The following CFAP92 variants were observed in gnomAD, a reference collection of about 807,000 sequenced individuals.
The protein encoded by CFAP92 is uncharacterized protein CFAP92.
In CFAP92, 86 loss-of-function variants were observed where a neutral mutation model predicts 106.3. That is an observed-to-expected ratio of 0.81 (90% confidence interval 0.68 to 0.97). The LOEUF (loss-of-function observed/expected upper bound fraction) is 0.97, where lower values mean the gene tolerates loss of function less well. Ranked by LOEUF, CFAP92 falls within the 50% of genes least tolerant of loss-of-function variation. The pLI, the probability that CFAP92 is intolerant of heterozygous loss-of-function variation, is 0.00. For synonymous variants in CFAP92, 477 were observed against 506.4 expected (o/e 0.94, Z 0.78); for missense variants, 1,204 against 1,283.8 (o/e 0.94, Z 0.95).
chr3:128,996,071 T>C (rs1285863145), upstream of CFAP92, among the ~76,000 whole-genome samples: 1 of 152,174 alleles, frequency 6.6e-6, no homozygotes, highest in East Asian at 1.9e-4. Flanking sequence ...CCTGTTCTTT[T>C]GAGGTATAGT....
At position 128,945,735 on chromosome 3, in the gene CFAP92, G is replaced by A; in HGVS notation, c.1594C>T (p.Pro532Ser). Residue 532 changes from proline to serine, a missense_variant, in exon 10 of 16, where the codon CCT (proline) becomes TCT (serine). Transcript: ENST00000645291. ...TGGAAGTTGAGGTATGAATCCAGAG[G>A]GTCCTCCCCAAACAGCACGGGCTTC... ...SQKPVLFGED[P>S]LDSYLNFQAL... 6.5e-7 allele frequency: 1 copy of A among 1,535,904 alleles called. No homozygotes were observed. Among genetic ancestry groups the A allele is most frequent in the Non-Finnish European group, 8.7e-7 (1 of 1,146,818 alleles).
chr3:128,964,525 T>C (rs941181198), intron 9 of CFAP92, among the ~76,000 whole-genome samples: 10 of 152,188 alleles, frequency 6.6e-5, no homozygotes, highest in African/African-American at 2.4e-4. Context: ...CCTGGTGCTA[T>C]CCCCAAACTG....
chr3:128,982,133 T>C (rs1365706932), intron 4 of CFAP92, among the ~76,000 whole-genome samples: 1 of 152,256 alleles, frequency 6.6e-6, no homozygotes, highest in African/African-American at 2.4e-5. Context: ...AAGTCCTAGA[T>C]GGCAGCTTCT....
chr3:128,995,775 AT>A (rs1944457409), upstream of CFAP92, among the ~76,000 whole-genome samples: 1 of 152,230 alleles, frequency 6.6e-6, no homozygotes, highest in Admixed American at 6.5e-5. Context: ...CAAAAATACA[AT>A]TCTGAGGCTT....
intron 11 of CFAP92, among the ~76,000 whole-genome samples, chr3:128,934,204 C>G (rs1938727202): frequency 6.6e-6 from 1 of 152,198 alleles, no homozygotes; most frequent in Non-Finnish European, 1.5e-5. Flanking sequence ...CACAGGCCCC[C>G]TAGAGCCAGT....
intron 9 of CFAP92, among the ~76,000 whole-genome samples, chr3:128,960,832 G>A (rs1941849026): frequency 1.3e-5 from 2 of 151,954 alleles, no homozygotes; most frequent in Non-Finnish European, 2.9e-5. Flanking sequence ...TCAGCGGCAA[G>A]TCCCACTTTC....
chr3:128,948,579 GAGTAC>G (rs1189552373), intron 9 of CFAP92, among the ~76,000 whole-genome samples: 1 of 142,448 alleles, frequency 7.0e-6, no homozygotes, highest in Non-Finnish European at 1.5e-5. Context: ...GCCCAGGCTA[GAGTAC>G]AGTGGCTCAA....
rs1348982311 is a variant in CFAP92, at chr3:128,915,465, G to A, written c.3015C>T (p.Ser1005=). Residue 1005 remains serine (S), a synonymous_variant, in exon 14 of 16, where the codon TCC becomes TCT. Transcript: ENST00000645291. The stretch of plus-strand genomic sequence containing the variant: ...CCCTGGCTGTGAGCCAGGCCTGGCG[G>A]GATTTCTTCTGGGCTTTCTTCTCCT... ...KEEEKKAQKK[S]RQAWLTARGF... 5.9e-6 allele frequency: 9 copies of A among 1,535,984 alleles called. No individual in the cohort carries two copies. The highest frequency in any genetic ancestry group is 7.8e-6 in the Non-Finnish European group (9 of 1,146,930).
chr3:128,973,659 GAA>G lies in CFAP92; in HGVS notation c.1021+2118_1021+2119del, dbSNP rs34115052. Among the ~76,000 whole-genome samples the G allele has an allele frequency of 8.7e-4, 110 of 126,720 alleles. 1 individual carries two copies. The South Asian group carries it at 0.017, about 20-fold the overall frequency. The allele number at this position is 126,720 out of a possible 152,430, so 83.1% of individuals were successfully genotyped here. A position where few individuals can be genotyped will look rare whatever the true frequency, so the allele number is the denominator to read the frequency against. ...CAATAAGAGCAGAACTCTGTCTCAA[GAA>G]AAAAAAAAAAAAAAGAGAGAGATGC... On this transcript the variant is annotated intron_variant, in intron 7 of 15. Transcript: ENST00000645291.
intron 1 of CFAP92, among the ~76,000 whole-genome samples, chr3:128,999,614 C>T (rs1944621714): frequency 7.4e-6 from 1 of 135,722 alleles, no homozygotes; most frequent in Admixed American, 8.3e-5. Flanking sequence ...TCTCAGCTTA[C>T]TGCAACCTCC....
At chr3:128,952,031 G>A (rs968193092) in intron 9 of CFAP92, among the ~76,000 whole-genome samples, 27 of 152,240 alleles carry the variant, frequency 1.8e-4, no homozygotes, top group African/African-American at 5.8e-4. Flanking sequence ...TATTGAGATG[G>A]TAACTCTCTC....
chr3:128,914,093 ATGT>A (rs778905486), intron 15 of CFAP92, among the ~76,000 whole-genome samples: 3 of 152,186 alleles, frequency 2.0e-5, no homozygotes, highest in African/African-American at 7.2e-5. Context: ...TTTCTTAAAC[ATGT>A]TGTGGGAAGA....
intron 12 of CFAP92, among the ~76,000 whole-genome samples, chr3:128,924,429 TATC>T (rs1170024254): frequency 1.4e-4 from 18 of 131,846 alleles, no homozygotes; most frequent in Non-Finnish European, 2.7e-4. Flanking sequence ...AGAACGATTG[TATC>T]TTTTTTTTTT....
At chr3:129,011,656 G>T in the CFAP92 span, among the ~76,000 whole-genome samples, 1 of 152,182 alleles carries the variant, frequency 6.6e-6, no homozygotes, top group Non-Finnish European at 1.5e-5. Flanking sequence ...TGAAAAGCAA[G>T]GAGGCAGAGG....
chr3:128,971,343 CCT>C lies in CFAP92; in HGVS notation c.1110_1111del (p.Gly371ProfsTer29). On this transcript the variant is annotated frameshift_variant, in exon 8 of 16. Transcript: ENST00000645291. LOFTEE classifies it high-confidence loss of function. ...GGAGAAAGCGCTCTGCTTCCTGGGG[CCT>C]GTCAGCGTGGGGTCTGCCTCTTCTT... 6.2e-7 allele frequency: 1 copy of C among 1,613,584 alleles called. No individual in the cohort carries two copies. Among genetic ancestry groups the C allele is most frequent in the South Asian group, 1.1e-5 (1 of 90,984 alleles).
chr3:128,997,364 A>G (rs926189691), upstream of CFAP92, among the ~76,000 whole-genome samples: 31 of 152,212 alleles, frequency 2.0e-4, no homozygotes, highest in African/African-American at 7.2e-4. Flanking sequence ...CGTAGAATTC[A>G]ATGATTTTCA....
chr3:128,929,566 C>G (rs371472563), intron 12 of CFAP92, among the ~76,000 whole-genome samples: 8 of 152,208 alleles, frequency 5.3e-5, no homozygotes, highest in African/African-American at 1.9e-4. Flanking sequence ...TACATCAATT[C>G]AATGGAATAA....
In CFAP92 at chr3:128,971,276, G is replaced by T; in HGVS notation, c.1168+11C>A. The T allele has an allele frequency of 6.2e-7, 1 of 1,613,794 alleles. No individual in the cohort carries two copies. The highest frequency in any genetic ancestry group is 1.1e-5 in the South Asian group (1 of 91,012). On this transcript the variant is annotated intron_variant, in intron 8 of 15. Coordinates refer to ENST00000645291, the MANE Select transcript of CFAP92 (RefSeq NM_001394090.1). ...GCAGGAGCTGCTGGGAACAGGGCAA[G>T]CAGTGGGTACCGGCAAGGAGCGGCA...
the CFAP92 span, among the ~76,000 whole-genome samples, chr3:129,016,292 C>T: frequency 6.6e-6 from 1 of 152,092 alleles, no homozygotes; most frequent in Non-Finnish European, 1.5e-5. Context: ...GGGTGGGCTT[C>T]AAGAGCCAAA....
Sources: gnomAD v4.1 joint callset for allele counts (sites outside exome capture counted in the v4.1 genomes callset) on GRCh38, gnomAD v4.1.1 for gene constraint, MANE v1.5 for transcripts, NCBI Gene and HGNC (gene_info 2026-07-23, HGNC 2026-07-21) for gene names.